HSPD1: variants seen among roughly 807,000 people sequenced by gnomAD.
HSPD1 encodes the protein 60 kDa heat shock protein, mitochondrial.
Under a neutral mutation model 53.0 loss-of-function variants are expected in HSPD1, and 3 were observed. That is an observed-to-expected ratio of 0.06 (90% CI 0.03 to 0.15). The LOEUF (loss-of-function observed/expected upper bound fraction) is 0.15. Among genes scored for constraint, HSPD1 ranks in the 10% least tolerant of loss-of-function variants. HSPD1 has a pLI of 1.00. For missense variants in HSPD1, 431 were observed against 694.1 expected (o/e 0.62, Z 4.26); for synonymous variants, 200 against 228.0 (o/e 0.88, Z 1.10).
At chr2:197,494,995 C>T in intron 4 of HSPD1, 1 of 596,180 alleles carries the variant, frequency 1.7e-6, no homozygotes. Context: ...TTTAAAAATG[C>T]TGACTTCATT....
Position 197,498,694 on chromosome 2 carries a change from G to T in HSPD1, c.155C>A (p.Ala52Asp), listed in dbSNP as rs1456257494. 1 of 1,614,020 alleles carries T rather than the reference G, an allele frequency of 6.2e-7. No individual in the cohort carries two copies. Among genetic ancestry groups the T allele is most frequent in the East Asian group, 2.2e-5 (1 of 44,886 alleles). The change falls in exon 2 of 12, where the codon GCC becomes GAC. Residue 52 changes from alanine to aspartate, a missense_variant. Physicochemically the swap from Ala to Asp is moderately radical, Grantham distance 126. Coordinates refer to ENST00000388968, the MANE Select transcript of HSPD1 (RefSeq NM_002156.5). ...TGGTACCTTTGGCCCCATTGTAACG[G>T]CCACAGCATCGGCTAAAAGGTCTAC... ...QGVDLLADAV[A>D]VTMGPKGRTV...
chr2:197,492,806 T>C (rs1054245400), intron 7 of HSPD1, among the ~76,000 whole-genome samples: 10 of 151,326 alleles, frequency 6.6e-5, no homozygotes, highest in African/African-American at 9.7e-5. Context: ...GGTCAGGAGT[T>C]TGAGACCAGC....
rs879019471 is a variant in HSPD1, at chr2:197,495,229, G to GA, written c.510+64dup. ...TATTCTGACATTGGTGTGATCAAGG[G>GA]AAAAAAAAAATCACACATGCCATTA... On this transcript the variant is annotated intron_variant, in intron 4 of 11. Transcript: ENST00000388968. 2.8e-3 allele frequency: 2,300 copies of GA among 814,788 alleles called. 2 individuals carry two copies. Among genetic ancestry groups the GA allele is most frequent in the Middle Eastern group, 4.9e-3 (14 of 2,846 alleles). The allele number at this position is 814,788 out of a possible 1,614,324, so 50.5% of individuals were successfully genotyped here. A position where few individuals can be genotyped will look rare whatever the true frequency, so the allele number is the denominator to read the frequency against.
chr2:197,496,679 ATGGTGTGTG>A (rs2086161485), intron 3 of HSPD1, among the ~76,000 whole-genome samples: 1 of 152,200 alleles, frequency 6.6e-6, no homozygotes, highest in Non-Finnish European at 1.5e-5. Flanking sequence ...AACCAATAAC[ATGGTGTGTG>A]CTATTAAGAA....
At chr2:197,495,951 T>A (rs1466115391) in intron 3 of HSPD1, among the ~76,000 whole-genome samples, 1 of 152,164 alleles carries the variant, frequency 6.6e-6, no homozygotes, top group African/African-American at 2.4e-5. Context: ...ACTGAACTCA[T>A]CCTATGCAAA....
At chr2:197,492,709 TAAAAA>T (rs2086109499) in intron 7 of HSPD1, among the ~76,000 whole-genome samples, 1 of 145,260 alleles carries the variant, frequency 6.9e-6, no homozygotes, top group Non-Finnish European at 1.5e-5. Context: ...AAAATAAAAA[TAAAAA>T]ATAAAAAAAT....
chr2:197,490,725 G>A (rs1341312990), intron 7 of HSPD1, among the ~76,000 whole-genome samples: 1 of 152,144 alleles, frequency 6.6e-6, no homozygotes, highest in Non-Finnish European at 1.5e-5. Flanking sequence ...CACTACTCAG[G>A]AGGCCGAGCA....
At chr2:197,494,546 T>G (rs1574601191) in intron 5 of HSPD1, 111 bp downstream of exon 5, 24 of 764,458 alleles carry the variant, frequency 3.1e-5, no homozygotes, top group Non-Finnish European at 4.7e-5. Flanking sequence ...AAAAAGCAGT[T>G]TTTAAAACAG....
rs377025571 is a variant in HSPD1 at position 197,497,127 on chromosome 2, C to A, written c.427+13G>T. On this transcript the variant is annotated intron_variant, in intron 3 of 11. Transcript: ENST00000388968. ...GAAGTTTAGAACACTGTGGTGACAA[C>A]AGACATTCCTACCTCTCCTGATTTC... 6.2e-7 allele frequency: 1 copy of A among 1,613,712 alleles called. No homozygotes were observed. Among genetic ancestry groups the A allele is most frequent in the South Asian group, 1.1e-5 (1 of 91,070 alleles).
intron 1 of HSPD1, 54 bp from the exon 2 acceptor site, chr2:197,498,904 A>T (rs2086197434): frequency 3.3e-6 from 5 of 1,505,530 alleles, no homozygotes; most frequent in Non-Finnish European, 4.6e-6. Flanking sequence ...TGCGCTGCAG[A>T]ACAAACATGC....
chr2:197,498,603 T>C, intron 2 of HSPD1, 72 bp downstream of exon 2: 1 of 1,320,738 alleles, frequency 7.6e-7, no homozygotes, highest in Non-Finnish European at 1.1e-6. Context: ...TGTTGAATAG[T>C]TCAGTGCGAC....
chr2:197,490,907 T>C (rs544930467), intron 7 of HSPD1, among the ~76,000 whole-genome samples: 2 of 152,218 alleles, frequency 1.3e-5, no homozygotes, highest in Non-Finnish European at 2.9e-5. Flanking sequence ...ATAAATGTTA[T>C]ACAAAAAGCT....
intron 6 of HSPD1, 57 bp downstream of exon 6, chr2:197,494,100 G>A: frequency 1.1e-6 from 1 of 872,752 alleles, no homozygotes; most frequent in Non-Finnish European, 1.9e-6. Context: ...AACAGAGAAT[G>A]AGACTCTGTC....
intron 11 of HSPD1, 26 bp downstream of exon 11, chr2:197,487,832 T>C (rs1335160742): frequency 1.3e-6 from 2 of 1,595,802 alleles, no homozygotes; most frequent in Admixed American, 1.7e-5. Context: ...AACAAAAGAA[T>C]TTTTAGAAAG....
At chr2:197,495,399 T>C in intron 3 of HSPD1, 23 bp from the exon 4 acceptor site, 1 of 1,398,474 alleles carries the variant, frequency 7.2e-7, no homozygotes. Flanking sequence ...TATATGTCAT[T>C]ACAATGTTTA....
intron 3 of HSPD1, among the ~76,000 whole-genome samples, chr2:197,496,098 GTTGTGA>G (rs1446583369): frequency 6.6e-6 from 1 of 152,170 alleles, no homozygotes; most frequent in African/African-American, 2.4e-5. Flanking sequence ...ATAGGAATCT[GTTGTGA>G]CTATGCCTCT....
Position 197,497,276 on chromosome 2 carries a change from A to G in HSPD1, c.291T>C (p.Leu97=). The G allele has an allele frequency of 6.2e-7, 1 of 1,614,114 alleles. No homozygotes were observed. The highest frequency in any genetic ancestry group is 8.5e-7 in the Non-Finnish European group (1 of 1,179,932). Residue 97 remains leucine (L), a synonymous_variant, in exon 3 of 12, where the codon CTT becomes CTC. Transcript: ENST00000388968. ...KDKYKNIGAK[L]VQDVANNTNE... The stretch of plus-strand genomic sequence containing the variant: ...TTGTGTTATTGGCAACATCTTGAAC[A>G]AGTTTAGCTCCAATGTTTTTGTATT...
intron 7 of HSPD1, 152 bp downstream of exon 7, chr2:197,493,172 T>A: frequency 1.4e-6 from 1 of 734,926 alleles, no homozygotes; most frequent in Admixed American, 2.1e-5. Context: ...AAGGATACAT[T>A]AGAGCACACC....
rs1239693505 is a variant in HSPD1, at chr2:197,486,739, TA to T, written c.*306del. 1 of 376,940 alleles carries T rather than the reference TA, an allele frequency of 2.7e-6. No homozygotes were observed. Among genetic ancestry groups the T allele is most frequent in the Admixed American group, 3.8e-5 (1 of 26,296 alleles). 23.3% of individuals were successfully genotyped at this position (376,940 alleles called of 1,614,324 possible). A position where few individuals can be genotyped will look rare whatever the true frequency, so the allele number is the denominator to read the frequency against. On this transcript the variant is annotated 3_prime_UTR_variant, in exon 12 of 12. Coordinates refer to ENST00000388968, the MANE Select transcript of HSPD1 (RefSeq NM_002156.5). Reference sequence around the variant, plus strand: ...AATCCTGATTTTAACAGAATAGTAGTAAAAATGCCTCAGTGATTTAAGTTGA... The same window carrying T: ...AATCCTGATTTTAACAGAATAGTAGTAAAATGCCTCAGTGATTTAAGTTGA...
Sources: gnomAD v4.1 joint callset for allele counts (sites outside exome capture counted in the v4.1 genomes callset) on GRCh38, gnomAD v4.1.1 for gene constraint, MANE v1.5 for transcripts, NCBI Gene and HGNC (gene_info 2026-07-23, HGNC 2026-07-21) for gene names.